Variants in ARAP1 observed in about 807,000 individuals in gnomAD.
ARAP1 encodes ArfGAP with RhoGAP domain, ankyrin repeat and PH domain 1.
A neutral mutation model predicts 172.2 loss-of-function variants in ARAP1; 76 were observed. That is an observed-to-expected ratio of 0.44 (90% CI 0.37 to 0.53). The LOEUF is 0.53. Among genes scored for constraint, ARAP1 ranks in the 20% least tolerant of loss-of-function variants. ARAP1 has a pLI of 0.00. For synonymous variants in ARAP1, 804 were observed against 803.3 expected (o/e 1.00, Z -0.01); for missense variants, 1,686 against 1,977.5 (o/e 0.85, Z 2.80).
rs1049695927 is a variant in ARAP1, at chr11:72,711,404, C to T, written c.1092+26G>A. The T allele has an allele frequency of 1.0e-5, 16 of 1,600,166 alleles. No individual in the cohort carries two copies. The Middle Eastern group carries it at 6.7e-4, about 67-fold the overall frequency. On this transcript the variant is annotated intron_variant, in intron 8 of 34. Coordinates refer to ENST00000393609, the MANE Select transcript of ARAP1 (RefSeq NM_001040118.3). ...GGCCAGCCTAGGCTGGAGCAGGGGTCGCGTCAGGACTGATGCAGGCCTCAC... is the reference window on the plus strand; with the variant it reads ...GGCCAGCCTAGGCTGGAGCAGGGGTTGCGTCAGGACTGATGCAGGCCTCAC...
At chr11:72,712,104 G>A in intron 7 of ARAP1, 92 bp downstream of exon 7, 1 of 1,458,338 alleles carries the variant, frequency 6.9e-7, no homozygotes, top group Non-Finnish European at 9.0e-7. Flanking sequence ...CTGGTTTTCA[G>A]ATCAGTGAGT....
chr11:72,719,285 T>C (rs948391218), intron 3 of ARAP1, among the ~76,000 whole-genome samples: 11 of 152,154 alleles, frequency 7.2e-5, no homozygotes, highest in African/African-American at 2.7e-4. Flanking sequence ...TAATTCATTG[T>C]ATAAACCACA....
Position 72,741,158 on chromosome 11 carries a change from C to T in ARAP1, c.-127-8561G>A, listed in dbSNP as rs748207377. On this transcript the variant is annotated intron_variant, in intron 1 of 34. Coordinates refer to ENST00000393609, the MANE Select transcript of ARAP1 (RefSeq NM_001040118.3). This position sits in a 1 kb window ranked among gnomAD's most constrained non-coding sequence, Gnocchi z 4.5. Reference sequence around the variant, plus strand: ...TCCTGTTTACCATGTTTTGGGCACACCCCTGCCCTGCATCCACACTGCCCC... The same window carrying T: ...TCCTGTTTACCATGTTTTGGGCACATCCCTGCCCTGCATCCACACTGCCCC... Among the ~76,000 whole-genome samples, 5 of 152,008 alleles carry T rather than the reference C, an allele frequency of 3.3e-5. No individual in the cohort carries two copies. The highest frequency in any genetic ancestry group is 2.1e-4 in the South Asian group (1 of 4,828).
At chr11:72,700,821 T>C (rs1396470065) in intron 16 of ARAP1, among the ~76,000 whole-genome samples, 1 of 152,118 alleles carries the variant, frequency 6.6e-6, no homozygotes, top group African/African-American at 2.4e-5. Context: ...CTGACCAACA[T>C]GGTGAAACCC....
At position 72,693,278 on chromosome 11, in the gene ARAP1, G is replaced by T. The variant is rs766115933; in HGVS notation, c.3954+47C>A. The T allele has an allele frequency of 6.2e-7, 1 of 1,600,082 alleles. No homozygotes were observed. The highest frequency in any genetic ancestry group is 1.1e-5 in the South Asian group (1 of 89,708). On this transcript the variant is annotated intron_variant, in intron 29 of 34. Coordinates refer to ENST00000393609, the MANE Select transcript of ARAP1 (RefSeq NM_001040118.3). The surrounding 1 kb of genome is among the most constrained non-coding windows in gnomAD (Gnocchi z 4.6). The stretch of plus-strand genomic sequence containing the variant: ...CAAGGGGAATCTCTGAGCACATTCA[G>T]GTGTACAGGTGCCCACCCTGGGGCA...
At chr11:72,731,033 G>A (rs1364460004) in intron 2 of ARAP1, among the ~76,000 whole-genome samples, 1 of 152,166 alleles carries the variant, frequency 6.6e-6, no homozygotes, top group Non-Finnish European at 1.5e-5. Flanking sequence ...AAAAAAACAA[G>A]GGGGAGCATG....
chr11:72,707,439 G>C (rs1339893602), intron 11 of ARAP1, 65 bp from the exon 12 acceptor site: 2 of 1,466,808 alleles, frequency 1.4e-6, no homozygotes, highest in Non-Finnish European at 1.9e-6. Context: ...GCAGCATGAG[G>C]ATGCACAGAA....
chr11:72,692,611 G>T, intron 30 of ARAP1, 142 bp downstream of exon 30: 12 of 1,066,160 alleles, frequency 1.1e-5, no homozygotes, highest in Non-Finnish European at 1.7e-5. Context: ...CCCCAGGATA[G>T]GGGCCAGTGC....
In ARAP1 at chr11:72,696,593, AG is replaced by A; in HGVS notation, c.3227del (p.Pro1076LeufsTer7). ...RYRELLVRLP[P>X]VNRATVKALI... Reference sequence around the variant, plus strand: ...GGGCCTTCACTGTGGCCCGGTTGACAGGGGGCAGCCGCACCAGCAGCTCTCG... The same window carrying A: ...GGGCCTTCACTGTGGCCCGGTTGACAGGGGCAGCCGCACCAGCAGCTCTCG... On this transcript the variant is annotated frameshift_variant, in exon 23 of 35. Coordinates refer to ENST00000393609, the MANE Select transcript of ARAP1 (RefSeq NM_001040118.3). LOFTEE classifies it high-confidence loss of function. 1 of 1,603,928 alleles carries A rather than the reference AG, an allele frequency of 6.2e-7. No homozygotes were observed. Among genetic ancestry groups the A allele is most frequent in the Non-Finnish European group, 8.5e-7 (1 of 1,173,422 alleles).
At chr11:72,738,059 T>C (rs1037852799) in intron 1 of ARAP1, among the ~76,000 whole-genome samples, 4 of 152,168 alleles carry the variant, frequency 2.6e-5, no homozygotes, top group African/African-American at 9.7e-5. Flanking sequence ...ACTGCTTCTG[T>C]CTGGTGAAGT....
At chr11:72,718,506 C>T (rs1386455758) in intron 3 of ARAP1, among the ~76,000 whole-genome samples, 1 of 151,998 alleles carries the variant, frequency 6.6e-6, no homozygotes, top group Non-Finnish European at 1.5e-5. Flanking sequence ...CACAGAAGCC[C>T]ACCTCCACCT....
intron 1 of ARAP1, among the ~76,000 whole-genome samples, chr11:72,746,238 C>A (rs1198704724): frequency 6.6e-6 from 1 of 152,180 alleles, no homozygotes; most frequent in Non-Finnish European, 1.5e-5. Flanking sequence ...TCTCTCCCCA[C>A]TGCCAAGATA....
At position 72,702,907 on chromosome 11, in the gene ARAP1, G is replaced by A; in HGVS notation, c.2165C>T (p.Thr722Ile). ...QMEFLRNNRT[T>I]EVPRLDSMKP... Reference sequence around the variant, plus strand: ...CCCCCACCCTCTGCCACGCTCACCTGTGGTCCGGTTGTTCCGAAGGAATTC... The same window carrying A: ...CCCCCACCCTCTGCCACGCTCACCTATGGTCCGGTTGTTCCGAAGGAATTC... The change falls in exon 15 of 35, where the codon ACA (threonine) becomes ATA (isoleucine). Residue 722 changes from threonine to isoleucine, a missense_variant and splice_region_variant. By Grantham distance (89) the Thr-to-Ile change is moderately conservative (BLOSUM62 -1). Coordinates refer to ENST00000393609, the MANE Select transcript of ARAP1 (RefSeq NM_001040118.3). The A allele has an allele frequency of 6.4e-7, 1 of 1,553,510 alleles. No homozygotes were observed. The highest frequency in any genetic ancestry group is 1.2e-5 in the South Asian group (1 of 84,248).
intron 14 of ARAP1, chr11:72,703,886 G>A: frequency 1.9e-6 from 1 of 517,128 alleles, no homozygotes. Context: ...ACCGGACGGG[G>A]TGCAGGAGAC....
intron 1 of ARAP1, among the ~76,000 whole-genome samples, chr11:72,742,001 G>T (rs953555239): frequency 6.6e-6 from 1 of 152,170 alleles, no homozygotes. Context: ...AAAATAAGGG[G>T]GTCCCTTACT....
In ARAP1 at chr11:72,695,127, C is replaced by G. The variant is rs1039794675; in HGVS notation, c.3577-30G>C. The G allele has an allele frequency of 1.9e-6, 3 of 1,605,424 alleles. No homozygotes were observed. In the African/African-American group the frequency reaches 4.0e-5, roughly 21 times the overall value. On this transcript the variant is annotated intron_variant, in intron 26 of 34. Coordinates refer to ENST00000393609, the MANE Select transcript of ARAP1 (RefSeq NM_001040118.3). This position sits in a 1 kb window ranked among gnomAD's most constrained non-coding sequence, Gnocchi z 4.4. ...AAGGACCAAGGAGGAGATTAGCCTG[C>G]CTGTGCCTAGCCCCTGCTCTGCCAC...
At chr11:72,751,019 G>T (rs1165755656) in intron 1 of ARAP1, among the ~76,000 whole-genome samples, 2 of 152,140 alleles carry the variant, frequency 1.3e-5, no homozygotes, top group African/African-American at 4.8e-5. Context: ...CCAGGTGGTG[G>T]GGGTATAAAG....
chr11:72,703,125 C>G, intron 14 of ARAP1, 46 bp from the exon 15 acceptor site: 2 of 1,481,240 alleles, frequency 1.4e-6, no homozygotes, highest in Non-Finnish European at 1.8e-6. Context: ...AGTAGGGGGC[C>G]CACAAGGAAA....
rs1226589341 is a variant in ARAP1, at chr11:72,732,514, C to A, written c.-45+1G>T. 6.6e-6 allele frequency: 1 copy of A among 152,664 alleles called. No individual in the cohort carries two copies. Among genetic ancestry groups the A allele is most frequent in the Non-Finnish European group, 1.5e-5 (1 of 68,290 alleles). 9.5% of individuals were successfully genotyped at this position (152,664 alleles called of 1,614,324 possible). Reference sequence around the variant, plus strand: ...TCCCACCGCTCCACCTCCTGACTCACCAGCTGGGCTGCCAAGGACGCCCGG... The same window carrying A: ...TCCCACCGCTCCACCTCCTGACTCAACAGCTGGGCTGCCAAGGACGCCCGG... On this transcript the variant is annotated splice_donor_variant, in intron 2 of 34. Coordinates refer to ENST00000393609, the MANE Select transcript of ARAP1 (RefSeq NM_001040118.3). LOFTEE classifies it low-confidence loss of function (5UTR_SPLICE).
Sources: gnomAD v4.1 joint callset for allele counts (sites outside exome capture counted in the v4.1 genomes callset) on GRCh38, gnomAD v4.1.1 for gene constraint, Gnocchi (gnomAD v3.1) non-coding constraint, MANE v1.5 for transcripts, NCBI Gene and HGNC (gene_info 2026-07-23, HGNC 2026-07-21) for gene names.